DBNDD1: variants seen among roughly 807,000 people sequenced by gnomAD.
DBNDD1 encodes the protein dysbindin domain containing 1.
DBNDD1 carries 14 observed loss-of-function variants against 17.0 expected under a neutral mutation model. The observed-to-expected ratio is 0.82, with a 90% confidence interval of 0.54 to 1.29. The LOEUF is 1.29. DBNDD1 is among the 50% of genes most tolerant of loss of function. The pLI is 0.00. For missense variants in DBNDD1, 221 were observed against 216.2 expected (o/e 1.02, Z -0.14); for synonymous variants, 105 against 102.0 (o/e 1.03, Z -0.18).
rs934046436 is a variant in DBNDD1, at chr16:90,009,615, C to G, written c.32-185G>C. The G allele has an allele frequency of 4.7e-6, 4 of 848,492 alleles. No individual in the cohort carries two copies. In the African/African-American group the frequency reaches 6.8e-5, roughly 14 times the overall value. The allele number at this position is 848,492 out of a possible 1,614,324, so 52.6% of individuals were successfully genotyped here. On this transcript the variant is annotated intron_variant, in intron 1 of 3. Coordinates refer to ENST00000002501, the MANE Select transcript of DBNDD1 (RefSeq NM_001042610.3). Reference sequence around the variant, plus strand: ...ACCCAGACAAGGGGTTGAGGGGCTTCAAGGAGGCTGCTCCTTCCCCTTGGG... The same window carrying G: ...ACCCAGACAAGGGGTTGAGGGGCTTGAAGGAGGCTGCTCCTTCCCCTTGGG...
intron 1 of DBNDD1, among the ~76,000 whole-genome samples, chr16:90,014,946 A>G (rs888449847): frequency 1.3e-5 from 2 of 151,314 alleles, no homozygotes; most frequent in Non-Finnish European, 2.9e-5. Context: ...TGGAGTTTGC[A>G]GTGAGCAGAG....
At chr16:90,015,334 G>T (rs139702000) in intron 1 of DBNDD1, among the ~76,000 whole-genome samples, 2 of 152,214 alleles carry the variant, frequency 1.3e-5, no homozygotes, top group African/African-American at 4.8e-5. Flanking sequence ...CATGAAGAGC[G>T]TGCAGCTGCT....
chr16:90,005,061 C>A lies in DBNDD1; in HGVS notation c.*1274G>T, dbSNP rs1320064835. 2 of 152,672 alleles carry A rather than the reference C, an allele frequency of 1.3e-5. No homozygotes were observed. The highest frequency in any genetic ancestry group is 3.9e-4 in the East Asian group (2 of 5,192). 9.5% of individuals were successfully genotyped at this position (152,672 alleles called of 1,614,324 possible). A position where few individuals can be genotyped will look rare whatever the true frequency, so the allele number is the denominator to read the frequency against. ...GTGACTGGAAACCAGGGAAGGAGAC[C>A]TGGCTGAGGCAGGAACTGGGTTTGC... On this transcript the variant is annotated 3_prime_UTR_variant, in exon 4 of 4. Transcript: ENST00000002501.
intron 3 of DBNDD1, 95 bp downstream of exon 3, chr16:90,008,689 G>A: frequency 1.8e-6 from 2 of 1,100,556 alleles, no homozygotes; most frequent in Non-Finnish European, 2.6e-6. Flanking sequence ...GACGTCCCAA[G>A]GGCCCTCAGC....
intron 3 of DBNDD1, chr16:90,006,727 C>T (rs2035435457): frequency 1.2e-5 from 7 of 575,704 alleles, no homozygotes; most frequent in Middle Eastern, 9.4e-4. Context: ...TCTGGTGCTC[C>T]CCGGAGTCAC....
chr16:90,009,810 G>A, intron 1 of DBNDD1: 3 of 818,874 alleles, frequency 3.7e-6, no homozygotes, highest in Non-Finnish European at 5.8e-6. Context: ...TCCCCTGAAG[G>A]ATCGCCCATG....
At chr16:90,010,949 G>A (rs933509002) in intron 1 of DBNDD1, among the ~76,000 whole-genome samples, 1 of 152,086 alleles carries the variant, frequency 6.6e-6, no homozygotes, top group Non-Finnish European at 1.5e-5. Context: ...CCCACCCATT[G>A]CCCCTGCAGG....
intron 3 of DBNDD1, among the ~76,000 whole-genome samples, chr16:90,007,962 C>A (rs1233336257): frequency 1.3e-5 from 2 of 149,498 alleles, no homozygotes; most frequent in Admixed American, 6.7e-5. Flanking sequence ...TCCCAAGGGG[C>A]CTCACCCCCC....
Position 90,006,283 on chromosome 16 carries a change from G to A in DBNDD1, c.*52C>T. On this transcript the variant is annotated 3_prime_UTR_variant, in exon 4 of 4. Coordinates refer to ENST00000002501, the MANE Select transcript of DBNDD1 (RefSeq NM_001042610.3). ...TGCTGGGTCAGCACTGCCCAGATCT[G>A]CCATCGTGTTCGGACCCCATCCCTG... The A allele has an allele frequency of 6.4e-7, 1 of 1,554,372 alleles. No individual in the cohort carries two copies.
chr16:90,012,747 C>T (rs2035576243), intron 1 of DBNDD1, among the ~76,000 whole-genome samples: 2 of 151,386 alleles, frequency 1.3e-5, no homozygotes, highest in Admixed American at 1.3e-4. Flanking sequence ...GCATGAGCCA[C>T]CGCACCTGGC....
chr16:90,006,341 C>T lies in DBNDD1; in HGVS notation c.471G>A (p.Glu157=), dbSNP rs182490592. 256 of 1,607,500 alleles carry T rather than the reference C, an allele frequency of 1.6e-4. 1 individual carries two copies. In the African/African-American group the frequency reaches 3.2e-3, roughly 20 times the overall value. Residue 157 remains glutamate (E), a synonymous_variant, in exon 4 of 4, where the codon GAG becomes GAA. Transcript: ENST00000002501. The part of the protein sequence containing the change: ...DTFLTVERPQ[E]D ...TGGGGCAGGTGGAGATGGTCTAGTCCTCCTGGGGCCTCTCCACAGTGAGAA... is the reference window on the plus strand; with the variant it reads ...TGGGGCAGGTGGAGATGGTCTAGTCTTCCTGGGGCCTCTCCACAGTGAGAA...
At chr16:90,016,419 G>T (rs1324412633) in intron 1 of DBNDD1, among the ~76,000 whole-genome samples, 2 of 152,206 alleles carry the variant, frequency 1.3e-5, no homozygotes, top group Non-Finnish European at 1.5e-5. Flanking sequence ...CAGGCATGGG[G>T]GCGGGTGCTG....
intron 1 of DBNDD1, chr16:90,009,836 C>G (rs1385840247): frequency 1.0e-5 from 10 of 953,084 alleles, no homozygotes; most frequent in Admixed American, 2.6e-5. Flanking sequence ...CCATGTCCAG[C>G]CTCTTGGTCC....
chr16:90,006,192 A>G lies in DBNDD1; in HGVS notation c.*143T>C, dbSNP rs2151258446. Reference sequence around the variant, plus strand: ...ACAAGGCCGGTCTCGGGGCTGGCAGAGAGCTGCCCCCAGGGTGTGTGTCAG... The same window carrying G: ...ACAAGGCCGGTCTCGGGGCTGGCAGGGAGCTGCCCCCAGGGTGTGTGTCAG... On this transcript the variant is annotated 3_prime_UTR_variant, in exon 4 of 4. Coordinates refer to ENST00000002501, the MANE Select transcript of DBNDD1 (RefSeq NM_001042610.3). The G allele has an allele frequency of 1.7e-6, 2 of 1,179,526 alleles. No homozygotes were observed. Among genetic ancestry groups the G allele is most frequent in the East Asian group, 2.6e-5 (1 of 38,430 alleles). The allele number at this position is 1,179,526 out of a possible 1,614,324, so 73.1% of individuals were successfully genotyped here.
intron 3 of DBNDD1, 137 bp from the exon 4 acceptor site, chr16:90,006,629 T>A: frequency 8.6e-7 from 1 of 1,156,316 alleles, no homozygotes. Flanking sequence ...CATGCACACA[T>A]CTACCTCTAA....
At chr16:90,008,962 C>T in intron 2 of DBNDD1, 38 bp from the exon 3 acceptor site, 1 of 1,516,090 alleles carries the variant, frequency 6.6e-7, no homozygotes, top group Non-Finnish European at 8.9e-7. Context: ...CTCAGGCCCT[C>T]CCACAAGGCT....
At chr16:90,014,665 T>C (rs1325462640) in intron 1 of DBNDD1, among the ~76,000 whole-genome samples, 1 of 152,230 alleles carries the variant, frequency 6.6e-6, no homozygotes, top group Non-Finnish European at 1.5e-5. Context: ...CTGTGGAAGC[T>C]TCACAGCAGC....
Position 90,013,262 on chromosome 16 carries a change from TAAA to T in DBNDD1, c.32-3835_32-3833del, listed in dbSNP as rs59831191. 6.3e-4 allele frequency among the ~76,000 whole-genome samples: 31 copies of T among 49,146 alleles called. 3 individuals are homozygous for T. Among genetic ancestry groups the T allele is most frequent in the Middle Eastern group, 0.019 (1 of 54 alleles). 32.2% of individuals were successfully genotyped at this position (49,146 alleles called of 152,430 possible). ...TGAGCAACAGAGCGAAACCTTGCCT[TAAA>T]AAAAAAAAAAAAAAAAAAGACAGTG... On this transcript the variant is annotated intron_variant, in intron 1 of 3. Transcript: ENST00000002501.
In DBNDD1 at chr16:90,019,213, C is replaced by G; in HGVS notation, c.31+98G>C. ...CGAGCTGCCAAAGGGGTCTTCGCGA[C>G]TCCCGGGAGCGGCGAAGGGTGAGCC... On this transcript the variant is annotated intron_variant, in intron 1 of 3. Transcript: ENST00000002501. This position sits in a 1 kb window ranked among gnomAD's most constrained non-coding sequence, Gnocchi z 6.1. The G allele has an allele frequency of 1.7e-6, 1 of 589,802 alleles. No individual in the cohort carries two copies. The highest frequency in any genetic ancestry group is 2.4e-6 in the Non-Finnish European group (1 of 411,080). The allele number at this position is 589,802 out of a possible 1,614,324, so 36.5% of individuals were successfully genotyped here. A position where few individuals can be genotyped will look rare whatever the true frequency, so the allele number is the denominator to read the frequency against.
Sources: gnomAD v4.1 joint callset for allele counts (sites outside exome capture counted in the v4.1 genomes callset) on GRCh38, gnomAD v4.1.1 for gene constraint, Gnocchi (gnomAD v3.1) non-coding constraint, MANE v1.5 for transcripts, NCBI Gene and HGNC (gene_info 2026-07-23, HGNC 2026-07-21) for gene names.